Variants in YTHDC2 observed in about 807,000 individuals in gnomAD.
The protein encoded by YTHDC2 is YTH N6-methyladenosine RNA binding protein C2.
Under a neutral mutation model 174.9 loss-of-function variants are expected in YTHDC2, and 45 were observed. The ratio of observed to expected loss-of-function variants is 0.26; its 90% CI spans 0.20 to 0.33. The LOEUF is 0.33. Among genes scored for constraint, YTHDC2 ranks in the 10% least tolerant of loss-of-function variants. The probability of loss-of-function intolerance (pLI) is 1.00; values close to 1 mark genes in which losing one functional copy is unlikely to be tolerated. For synonymous variants in YTHDC2, 657 were observed against 574.5 expected, an observed-to-expected ratio of 1.14 and a Z score of -2.05; for missense variants, 1,650 against 1,723.7, an observed-to-expected ratio of 0.96 and a Z score of 0.76.
At chr5:113,592,718 G>C (rs1049304736) in intron 28 of YTHDC2, 15 of 152,238 alleles carry the variant, frequency 9.9e-5, no homozygotes, top group African/African-American at 3.4e-4. Context: ...AAAAGTGTTT[G>C]GGTTCTTCTT....
chr5:113,584,074 T>C, intron 25 of YTHDC2: 1 of 339,614 alleles, frequency 2.9e-6, no homozygotes, highest in Non-Finnish European at 5.3e-6. Context: ...TCCAATAAGT[T>C]ACGAGGCTTG....
intron 23 of YTHDC2, among the ~76,000 whole-genome samples, chr5:113,576,397 G>A (rs905059194): frequency 3.9e-5 from 6 of 151,932 alleles, no homozygotes; most frequent in African/African-American, 1.5e-4. Context: ...GAGATTATGG[G>A]GCATTGCTAC....
chr5:113,579,209 A>T (rs894313131), intron 23 of YTHDC2, among the ~76,000 whole-genome samples: 1 of 151,912 alleles, frequency 6.6e-6, no homozygotes, highest in Non-Finnish European at 1.5e-5. Context: ...TTTAAAACTG[A>T]CCTGTGACTT....
chr5:113,592,043 C>A lies in YTHDC2; in HGVS notation c.4077C>A (p.Asp1359Glu), dbSNP rs777583520. ...AGATTGGAAGGGAAAAGAGTCAGGA[C>A]TGGGGCTCTGCTGGACTAGGAGGAG... ...SSEIGREKSQ[D>E]WGSAGLGGVF... The change falls in exon 28 of 30, where the codon GAC (aspartate) becomes GAA (glutamate). Residue 1359 changes from aspartate (D) to glutamate (E), a missense_variant. By Grantham distance (45) the Asp-to-Glu change is conservative. Around this residue, in one of 5 missense-constraint regions of YTHDC2, gnomAD observed 913 missense variants for 940.4 expected, o/e 0.97. Transcript: ENST00000161863. 5.0e-6 allele frequency: 8 copies of A among 1,612,530 alleles called. No homozygotes were observed. Among genetic ancestry groups the A allele is most frequent in the Non-Finnish European group, 5.9e-6 (7 of 1,179,262 alleles).
intron 25 of YTHDC2, chr5:113,583,122 T>TG (rs1778492546): frequency 6.6e-6 from 1 of 152,204 alleles, no homozygotes; most frequent in Non-Finnish European, 1.5e-5. Context: ...ATATAATGCA[T>TG]GAGTGTTTCT....
chr5:113,559,760 G>A (rs965084615), intron 17 of YTHDC2, among the ~76,000 whole-genome samples: 1 of 152,150 alleles, frequency 6.6e-6, no homozygotes, highest in African/African-American at 2.4e-5. Flanking sequence ...TAAACAATTG[G>A]AATCAAGGTC....
intron 8 of YTHDC2, among the ~76,000 whole-genome samples, chr5:113,540,182 G>A (rs1325329003): frequency 6.6e-6 from 1 of 152,214 alleles, no homozygotes; most frequent in Non-Finnish European, 1.5e-5. Context: ...ACCATGTCCA[G>A]CTGAAACATT....
chr5:113,589,583 T>C (rs1343116056), intron 26 of YTHDC2, among the ~76,000 whole-genome samples: 3 of 151,124 alleles, frequency 2.0e-5, no homozygotes, highest in East Asian at 3.9e-4. Flanking sequence ...ATAAAAAAAT[T>C]AGTTGGGCAT....
In YTHDC2 at chr5:113,541,267, C is replaced by T. The variant is rs1484918993; in HGVS notation, c.1359+151C>T. 14 of 858,954 alleles carry T rather than the reference C, an allele frequency of 1.6e-5. No homozygotes were observed. In the Admixed American group the frequency reaches 2.3e-4, roughly 14 times the overall value. The allele number at this position is 858,954 out of a possible 1,614,324, so 53.2% of individuals were successfully genotyped here. ...AGTGGAGTGGCGTGATCTCGGCTCACTGCAAGCTCCGCGTTCCGGGTTCAC... is the reference window on the plus strand; with the variant it reads ...AGTGGAGTGGCGTGATCTCGGCTCATTGCAAGCTCCGCGTTCCGGGTTCAC... On this transcript the variant is annotated intron_variant, in intron 9 of 29. Coordinates refer to ENST00000161863, the MANE Select transcript of YTHDC2 (RefSeq NM_022828.5).
chr5:113,580,691 G>A (rs547817983), intron 24 of YTHDC2, among the ~76,000 whole-genome samples: 1 of 152,274 alleles, frequency 6.6e-6, no homozygotes, highest in South Asian at 2.1e-4. Flanking sequence ...GTCAAAGTCA[G>A]TCTGCTGTCT....
At chr5:113,546,526 A>G (rs1015597122) in intron 10 of YTHDC2, among the ~76,000 whole-genome samples, 4 of 152,202 alleles carry the variant, frequency 2.6e-5, no homozygotes, top group African/African-American at 9.7e-5. Flanking sequence ...TCTGGGCTTC[A>G]TAGATTTCTT....
In YTHDC2 at chr5:113,553,636, G is replaced by A. The variant is rs369360135; in HGVS notation, c.1914G>A (p.Leu638=). Residue 638 remains leucine (L), a synonymous_variant, in exon 14 of 30, where the codon CTG becomes CTA. Coordinates refer to ENST00000161863, the MANE Select transcript of YTHDC2 (RefSeq NM_022828.5). Reference sequence around the variant, plus strand: ...CTGGATATGACGAAATTGTTGGACTGAGAGATCGCATCCTGTTTGATGACA... The same window carrying A: ...CTGGATATGACGAAATTGTTGGACTAAGAGATCGCATCCTGTTTGATGACA... ...FLPGYDEIVG[L]RDRILFDDKR... The A allele has an allele frequency of 6.2e-7, 1 of 1,613,554 alleles. No individual in the cohort carries two copies. The highest frequency in any genetic ancestry group is 1.7e-5 in the Admixed American group (1 of 59,966).
At chr5:113,538,941 T>C in intron 7 of YTHDC2, 133 bp from the exon 8 acceptor site, 1 of 494,842 alleles carries the variant, frequency 2.0e-6, no homozygotes, top group East Asian at 4.0e-5. Flanking sequence ...AAGGACAATA[T>C]TATAAGAGTC....
At chr5:113,568,558 T>G (rs921815780) in intron 23 of YTHDC2, among the ~76,000 whole-genome samples, 1 of 152,176 alleles carries the variant, frequency 6.6e-6, no homozygotes, top group Non-Finnish European at 1.5e-5. Flanking sequence ...CAGTGTGTGT[T>G]GTTCCCCTGT....
chr5:113,557,461 G>C (rs1021916062), intron 17 of YTHDC2, among the ~76,000 whole-genome samples: 1 of 152,110 alleles, frequency 6.6e-6, no homozygotes, highest in Non-Finnish European at 1.5e-5. Context: ...ATAGTGGCTT[G>C]ATACATTAAG....
intron 23 of YTHDC2, 68 bp from the exon 24 acceptor site, chr5:113,579,518 T>A: frequency 8.4e-7 from 1 of 1,189,076 alleles, no homozygotes; most frequent in Admixed American, 2.3e-5. Context: ...GCGTATTTAT[T>A]CTTCTTAGTT....
chr5:113,574,613 A>G (rs1221724024), intron 23 of YTHDC2, among the ~76,000 whole-genome samples: 1 of 152,122 alleles, frequency 6.6e-6, no homozygotes, highest in African/African-American at 2.4e-5. Context: ...ACTCGGCCCC[A>G]TCTCAGACAG....
intron 12 of YTHDC2, among the ~76,000 whole-genome samples, chr5:113,549,287 C>G (rs1475353360): frequency 6.6e-6 from 1 of 152,040 alleles, no homozygotes; most frequent in African/African-American, 2.4e-5. Context: ...TTTCTCAAAA[C>G]CTCACTAAAA....
Position 113,553,779 on chromosome 5 carries a change from T to A in YTHDC2, c.1977T>A (p.Phe659Leu). The change falls in exon 15 of 30, where the codon TTT (phenylalanine) becomes TTA (leucine). Residue 659 changes from phenylalanine (F) to leucine (L), a missense_variant. Transcript: ENST00000161863. The stretch of plus-strand genomic sequence containing the variant: ...CAATTGTCTGCAGATACCAAGTCTT[T>A]ATGCTTCATTCAAATATGCAAACAT... ...FADSTHRYQV[F>L]MLHSNMQTSD... 1 of 1,612,570 alleles carries A rather than the reference T, an allele frequency of 6.2e-7. No homozygotes were observed.
Sources: allele counts gnomAD v4.1 joint callset (sites outside exome capture counted in the v4.1 genomes callset), GRCh38; gene constraint gnomAD v4.1.1; regional missense constraint gnomAD v4.1.1; transcripts MANE v1.5; gene names NCBI Gene and HGNC (gene_info 2026-07-23, HGNC 2026-07-21).